The following AP2A2 variants were observed in gnomAD, a reference collection of about 807,000 sequenced individuals.
AP2A2 encodes the protein AP-2 complex subunit alpha-2.
A neutral mutation model predicts 104.2 loss-of-function variants in AP2A2; 32 were observed. That is an observed-to-expected ratio of 0.31 (90% CI 0.23 to 0.41). The LOEUF is 0.41. Ranked by LOEUF, AP2A2 falls within the 10% of genes least tolerant of loss-of-function variation. The probability of loss-of-function intolerance (pLI) is 1.00; values close to 1 mark genes in which losing one functional copy is unlikely to be tolerated. For synonymous variants in AP2A2, 539 were observed against 533.3 expected, an observed-to-expected ratio of 1.01 and a Z score of -0.15; for missense variants, 912 against 1,261.0, an observed-to-expected ratio of 0.72 and a Z score of 4.19.
At chr11:934,686 C>T (rs776803704) in intron 1 of AP2A2, among the ~76,000 whole-genome samples, 27 of 152,044 alleles carry the variant, frequency 1.8e-4, no homozygotes, top group Non-Finnish European at 3.5e-4. Flanking sequence ...CCTTTAAAAT[C>T]CCTCTGATGG....
chr11:926,234 C>T (rs1222073126), intron 1 of AP2A2, 146 bp downstream of exon 1: 49 of 70,906 alleles, frequency 6.9e-4, no homozygotes, highest in Non-Finnish European at 9.2e-4. Context: ...GGGCGGCGCT[C>T]GGGGTCTTGG....
chr11:1,010,291 G>C (rs1310500977), intron 21 of AP2A2: 5 of 574,790 alleles, frequency 8.7e-6, no homozygotes, highest in Non-Finnish European at 1.5e-5. Context: ...AGTGCTGCAA[G>C]AACATCCCAC....
In AP2A2 at chr11:993,684, C is replaced by CA; in HGVS notation, c.1551-70_1551-69insA. 1.6e-6 allele frequency: 2 copies of CA among 1,250,608 alleles called. No individual in the cohort carries two copies. The highest frequency in any genetic ancestry group is 1.5e-5 in the African/African-American group (1 of 67,620). The allele number at this position is 1,250,608 out of a possible 1,614,324, so 77.5% of individuals were successfully genotyped here. A position where few individuals can be genotyped will look rare whatever the true frequency, so the allele number is the denominator to read the frequency against. The stretch of plus-strand genomic sequence containing the variant: ...GCCAGGGGGTCTCGCCGCCGTCCCC[C>CA]CCCCGCGGGGGCGTGCTGCAGCCTG... On this transcript the variant is annotated intron_variant, in intron 12 of 21. Coordinates refer to ENST00000448903, the MANE Select transcript of AP2A2 (RefSeq NM_012305.4). The surrounding 1 kb of genome is among the most constrained non-coding windows in gnomAD (Gnocchi z 8.2).
At chr11:999,206 T>C (rs941722151) in intron 14 of AP2A2, among the ~76,000 whole-genome samples, 3 of 152,166 alleles carry the variant, frequency 2.0e-5, no homozygotes, top group Admixed American at 6.5e-5. Context: ...TCATAGGCGC[T>C]CTTTCCTTGT....
intron 1 of AP2A2, among the ~76,000 whole-genome samples, chr11:927,464 A>C (rs973093014): frequency 6.7e-6 from 1 of 149,786 alleles, no homozygotes. Context: ...GTTCTCCCAC[A>C]CTCTGTGGAA....
intron 14 of AP2A2, 127 bp downstream of exon 14, chr11:994,372 G>C: frequency 8.2e-7 from 1 of 1,225,468 alleles, no homozygotes; most frequent in Non-Finnish European, 1.1e-6. Flanking sequence ...TGTGGCTCTG[G>C]ACACCCCGCT....
chr11:965,336 T>G (rs1194889518), intron 2 of AP2A2, among the ~76,000 whole-genome samples: 1 of 152,166 alleles, frequency 6.6e-6, no homozygotes, highest in Admixed American at 6.6e-5. Flanking sequence ...GCCAGTGTGT[T>G]GTGTCTCGTG....
chr11:993,213 C>A lies in AP2A2; in HGVS notation c.1453-71C>A. Reference sequence around the variant, plus strand: ...TGGTGCTGGTGTAGGGTGCACCGCGCCAGGACGTGCCCGCCTCGCCTTAAC... The same window carrying A: ...TGGTGCTGGTGTAGGGTGCACCGCGACAGGACGTGCCCGCCTCGCCTTAAC... On this transcript the variant is annotated intron_variant, in intron 11 of 21. Transcript: ENST00000448903. The surrounding 1 kb of genome is among the most constrained non-coding windows in gnomAD (Gnocchi z 8.2). 1.5e-6 allele frequency: 2 copies of A among 1,291,422 alleles called. No homozygotes were observed. Among genetic ancestry groups the A allele is most frequent in the Non-Finnish European group, 2.1e-6 (2 of 943,374 alleles). 80.0% of individuals were successfully genotyped at this position (1,291,422 alleles called of 1,614,324 possible). A position where few individuals can be genotyped will look rare whatever the true frequency, so the allele number is the denominator to read the frequency against.
At chr11:983,422 G>T (rs566838529) in intron 6 of AP2A2, among the ~76,000 whole-genome samples, 12 of 150,872 alleles carry the variant, frequency 8.0e-5, no homozygotes, top group East Asian at 2.0e-4. Context: ...TCACTCTGTC[G>T]CCCAGGCTGG....
chr11:967,486 C>A (rs1357393407), intron 2 of AP2A2, among the ~76,000 whole-genome samples: 1 of 151,924 alleles, frequency 6.6e-6, no homozygotes, highest in Non-Finnish European at 1.5e-5. Context: ...CTCAGCCTCC[C>A]GAGTAGCTGG....
intron 1 of AP2A2, among the ~76,000 whole-genome samples, chr11:931,862 G>A (rs1045603246): frequency 2.0e-5 from 3 of 149,814 alleles, no homozygotes; most frequent in Admixed American, 6.7e-5. Context: ...GGAGTGCAGC[G>A]GTGTGATCTC....
chr11:928,840 C>T (rs963123812), intron 1 of AP2A2, among the ~76,000 whole-genome samples: 2 of 152,162 alleles, frequency 1.3e-5, no homozygotes, highest in Non-Finnish European at 2.9e-5. Context: ...TCAGCTGCAG[C>T]GCCCACCATT....
intron 1 of AP2A2, among the ~76,000 whole-genome samples, chr11:941,914 C>G (rs1391705248): frequency 6.6e-6 from 1 of 150,842 alleles, no homozygotes; most frequent in Non-Finnish European, 1.5e-5. Flanking sequence ...GTAGTAATAC[C>G]TGACCTTTTA....
chr11:976,366 G>A (rs917612549), intron 4 of AP2A2, among the ~76,000 whole-genome samples: 2 of 152,316 alleles, frequency 1.3e-5, no homozygotes, highest in Admixed American at 6.5e-5. Flanking sequence ...ACCCTTTTCT[G>A]CCTTCCATGT....
chr11:980,610 G>T (rs1393101100), intron 5 of AP2A2, among the ~76,000 whole-genome samples: 4 of 152,208 alleles, frequency 2.6e-5, no homozygotes, highest in Non-Finnish European at 5.9e-5. Context: ...ATCTGAATCT[G>T]TTCTCACTGA....
At chr11:942,881 G>A (rs1050710699) in intron 1 of AP2A2, among the ~76,000 whole-genome samples, 2 of 152,160 alleles carry the variant, frequency 1.3e-5, no homozygotes, top group South Asian at 2.1e-4. Context: ...AGCCTGGAGG[G>A]GAGAAGGGCT....
chr11:1,001,554 C>A (rs1314131686), intron 15 of AP2A2: 2 of 152,404 alleles, frequency 1.3e-5, no homozygotes, highest in African/African-American at 4.8e-5. Context: ...GTTCTGTTTC[C>A]TGTTACGTGT....
In AP2A2 at chr11:1,000,353, G is replaced by A. The variant is rs1029861009; in HGVS notation, c.1957-79G>A. ...GATGCCAAGGGGGTGCCATGGGGGA[G>A]GACGTGCAGGCGTGAGCTGCCTGGG... On this transcript the variant is annotated intron_variant, in intron 14 of 21. Transcript: ENST00000448903. 2.1e-6 allele frequency: 3 copies of A among 1,418,274 alleles called. No homozygotes were observed. In the African/African-American group the frequency reaches 4.3e-5, roughly 20 times the overall value. The allele number at this position is 1,418,274 out of a possible 1,614,324, so 87.9% of individuals were successfully genotyped here. A position where few individuals can be genotyped will look rare whatever the true frequency, so the allele number is the denominator to read the frequency against.
At chr11:998,341 C>T (rs966102096) in intron 14 of AP2A2, among the ~76,000 whole-genome samples, 3 of 139,832 alleles carry the variant, frequency 2.1e-5, no homozygotes, top group African/African-American at 7.8e-5. Flanking sequence ...CCATTCTGAC[C>T]CCCCGCCCCC....
Sources: gnomAD v4.1 joint callset for allele counts (sites outside exome capture counted in the v4.1 genomes callset) on GRCh38, gnomAD v4.1.1 for gene constraint, Gnocchi (gnomAD v3.1) non-coding constraint, MANE v1.5 for transcripts, NCBI Gene and HGNC (gene_info 2026-07-23, HGNC 2026-07-21) for gene names.